Variants in STON1 observed in about 807,000 individuals in gnomAD.
The protein encoded by STON1 is stonin-1.
A neutral mutation model predicts 60.9 loss-of-function variants in STON1; 79 were observed. The observed-to-expected ratio is 1.30, with a 90% CI of 1.08 to 1.56. STON1 has a LOEUF of 1.56. Among genes scored for constraint, STON1 ranks in the 40% most tolerant of loss-of-function variants. STON1 has a pLI of 0.00. For missense variants in STON1, 1,166 were observed against 858.9 expected (o/e 1.36, Z -4.47); for synonymous variants, 363 against 306.9 (o/e 1.18, Z -1.91).
At chr2:48,540,333 C>T (rs1199534288) in intron 1 of STON1, among the ~76,000 whole-genome samples, 3 of 152,174 alleles carry the variant, frequency 2.0e-5, no homozygotes, top group African/African-American at 7.2e-5. Context: ...GCCTCAGAGG[C>T]AGCCCTCTGA....
At position 48,582,639 on chromosome 2, in the gene STON1, C is replaced by G. The variant is rs967719992; in HGVS notation, c.1930+76C>G. On this transcript the variant is annotated intron_variant, in intron 2 of 3. Coordinates refer to ENST00000404752, the MANE Select transcript of STON1 (RefSeq NM_006873.4). ...TCTTACCTTCCTCCTTGGGTTGAAA[C>G]CAGGTAGAGACAGATGGCAATTTGT... 2.3e-5 allele frequency: 36 copies of G among 1,536,112 alleles called. No homozygotes were observed. In the African/African-American group the frequency reaches 4.7e-4, roughly 20 times the overall value.
rs112029119 is a variant in STON1 at position 48,577,485 on chromosome 2, G to A, written c.-47-3102G>A. On this transcript the variant is annotated intron_variant, in intron 1 of 3. Coordinates refer to ENST00000404752, the MANE Select transcript of STON1 (RefSeq NM_006873.4). ...AATCCCAGCTACTCAGGAGGCTGAG[G>A]CAGGAGAATTGATTGAACCAGGGAG... Among the ~76,000 whole-genome samples the A allele has an allele frequency of 5.8e-3, 885 of 151,734 alleles. 10 individuals carry two copies. Among genetic ancestry groups the A allele is most frequent in the African/African-American group, 0.02 (815 of 41,372 alleles).
In STON1 at chr2:48,555,453, A is replaced by AC. The variant is rs1210984016; in HGVS notation, c.-47-25126dup. Among the ~76,000 whole-genome samples the AC allele has an allele frequency of 2.8e-3, 214 of 75,626 alleles. 2 individuals carry two copies. The highest frequency in any genetic ancestry group is 5.3e-3 in the African/African-American group (101 of 19,140). The allele number at this position is 75,626 out of a possible 152,430, so 49.6% of individuals were successfully genotyped here. The stretch of plus-strand genomic sequence containing the variant: ...GGCCACTGGCCGGGCAGGGGGGCTG[A>AC]CCCCCCCCACCTCCCTCCCGGACGG... On this transcript the variant is annotated intron_variant, in intron 1 of 3. Coordinates refer to ENST00000404752, the MANE Select transcript of STON1 (RefSeq NM_006873.4).
At position 48,582,095 on chromosome 2, in the gene STON1, C is replaced by T. The variant is rs1673921159; in HGVS notation, c.1462C>T (p.His488Tyr). The T allele has an allele frequency of 1.2e-6, 2 of 1,613,956 alleles. No homozygotes were observed. Among genetic ancestry groups the T allele is most frequent in the East Asian group, 4.5e-5 (2 of 44,768 alleles). ...KGIDILDYHFHKCVNVQEFEQ... is the reference protein window; with the variant it reads ...KGIDILDYHFYKCVNVQEFEQ... ...GATTGATATTCTTGACTACCATTTTCATAAGTGTGTGAATGTACAAGAATT... is the reference window on the plus strand; with the variant it reads ...GATTGATATTCTTGACTACCATTTTTATAAGTGTGTGAATGTACAAGAATT... Residue 488 changes from histidine to tyrosine, a missense_variant, in exon 2 of 4, where the codon CAT (histidine) becomes TAT (tyrosine). Transcript: ENST00000404752.
intron 1 of STON1, among the ~76,000 whole-genome samples, chr2:48,549,564 C>T (rs1429825014): frequency 6.6e-6 from 1 of 152,140 alleles, no homozygotes; most frequent in East Asian, 1.9e-4. Flanking sequence ...GTAATCCCAG[C>T]ACTTTGGGAG....
intron 1 of STON1, among the ~76,000 whole-genome samples, chr2:48,542,075 A>G (rs946257405): frequency 4.6e-5 from 7 of 152,242 alleles, no homozygotes; most frequent in Non-Finnish European, 8.8e-5. Context: ...CTTGGATATG[A>G]AGACGATGTT....
chr2:48,545,096 G>A (rs550581060), intron 1 of STON1, among the ~76,000 whole-genome samples: 1 of 152,110 alleles, frequency 6.6e-6, no homozygotes, highest in Non-Finnish European at 1.5e-5. Context: ...CTGGTGGTCA[G>A]GTGCTCCTGA....
At chr2:48,583,818 C>T (rs867334767) in intron 2 of STON1, among the ~76,000 whole-genome samples, 7 of 149,226 alleles carry the variant, frequency 4.7e-5, no homozygotes, top group Middle Eastern at 3.5e-3. Flanking sequence ...GTGGCACAAT[C>T]TCGGCTTACT....
chr2:48,579,072 C>G (rs1255543379), intron 1 of STON1, among the ~76,000 whole-genome samples: 1 of 150,744 alleles, frequency 6.6e-6, no homozygotes, highest in Non-Finnish European at 1.5e-5. Flanking sequence ...GACACAGTCT[C>G]TGTTCACTGC....
At chr2:48,555,360 C>G (rs1374193473) in intron 1 of STON1, among the ~76,000 whole-genome samples, 1 of 49,150 alleles carries the variant, frequency 2.0e-5, no homozygotes, top group Non-Finnish European at 4.3e-5. Flanking sequence ...GGCGGCTGGC[C>G]GGGCAGAGGG....
At chr2:48,544,059 A>C (rs1338489795) in intron 1 of STON1, among the ~76,000 whole-genome samples, 2 of 152,304 alleles carry the variant, frequency 1.3e-5, no homozygotes, top group East Asian at 1.9e-4. Context: ...GTTTCACAAC[A>C]GTCATTTATC....
At chr2:48,582,777 T>A (rs1439996410) in intron 2 of STON1, among the ~76,000 whole-genome samples, 6 of 152,212 alleles carry the variant, frequency 3.9e-5, no homozygotes, top group Middle Eastern at 3.2e-3. Context: ...GAACATTTTT[T>A]AAATATCATA....
At chr2:48,564,456 TTCTTCTTCTTCTTCTTC>T (rs1558604296) in intron 1 of STON1, among the ~76,000 whole-genome samples, 7 of 53,718 alleles carry the variant, frequency 1.3e-4, no homozygotes, top group African/African-American at 4.9e-4. Flanking sequence ...CTTCTTCTTC[TTCTTCTTCTTCTTCTTC>T]TTCTTCTTTC....
At chr2:48,565,045 CTTTTTTTTTT>C (rs35791710) in intron 1 of STON1, among the ~76,000 whole-genome samples, 1 of 86,502 alleles carries the variant, frequency 1.2e-5, no homozygotes, top group African/African-American at 4.6e-5. Context: ...CCGGCTTCTT[CTTTTTTTTTT>C]TTTTTTTTTT....
chr2:48,559,393 C>A (rs954666819), intron 1 of STON1, among the ~76,000 whole-genome samples: 9 of 152,132 alleles, frequency 5.9e-5, no homozygotes, highest in African/African-American at 2.2e-4. Context: ...CAGATGGCAC[C>A]TTCTATGTGT....
intron 1 of STON1, among the ~76,000 whole-genome samples, chr2:48,563,366 G>T (rs774757323): frequency 5.3e-5 from 8 of 152,216 alleles, no homozygotes; most frequent in Non-Finnish European, 1.0e-4. Context: ...GTCATGGTCT[G>T]TGTGGAAGCT....
At chr2:48,573,354 C>T (rs1391639001) in intron 1 of STON1, among the ~76,000 whole-genome samples, 2 of 152,142 alleles carry the variant, frequency 1.3e-5, no homozygotes, top group African/African-American at 4.8e-5. Context: ...ATAAATATCC[C>T]AGCACTAAAG....
In STON1 at chr2:48,591,153, A is replaced by C. The variant is rs1304987602; in HGVS notation, c.1931-500A>C. Among the ~76,000 whole-genome samples the C allele has an allele frequency of 2.6e-5, 4 of 151,262 alleles. No homozygotes were observed. In the South Asian group the frequency reaches 8.3e-4, roughly 31 times the overall value. On this transcript the variant is annotated intron_variant, in intron 2 of 3. Coordinates refer to ENST00000404752, the MANE Select transcript of STON1 (RefSeq NM_006873.4). ...TTACTCATATCTTTTAATTAAGGAA[A>C]ACAATTAAGTTTAAGCATATTACTA...
chr2:48,580,856 C>A lies in STON1; in HGVS notation c.223C>A (p.Pro75Thr). The change falls in exon 2 of 4, where the codon CCT becomes ACT. Residue 75 changes from proline to threonine, a missense_variant. Coordinates refer to ENST00000404752, the MANE Select transcript of STON1 (RefSeq NM_006873.4). Reference protein sequence around the residue: ...PIVDFYFSPGPPSNSPLSTPT... With the variant: ...PIVDFYFSPGTPSNSPLSTPT... Reference sequence around the variant, plus strand: ...TGTAGATTTTTATTTCAGTCCAGGACCTCCAAGTAACTCTCCTCTTTCTAC... The same window carrying A: ...TGTAGATTTTTATTTCAGTCCAGGAACTCCAAGTAACTCTCCTCTTTCTAC... The A allele has an allele frequency of 1.9e-6, 3 of 1,562,672 alleles. No homozygotes were observed. Among genetic ancestry groups the A allele is most frequent in the Non-Finnish European group, 2.6e-6 (3 of 1,159,428 alleles).
Sources: gnomAD v4.1 joint callset for allele counts (sites outside exome capture counted in the v4.1 genomes callset) on GRCh38, gnomAD v4.1.1 for gene constraint, MANE v1.5 for transcripts, NCBI Gene and HGNC (gene_info 2026-07-23, HGNC 2026-07-21) for gene names.